The following CHCHD6 variants were observed in gnomAD, a reference collection of about 807,000 sequenced individuals.
CHCHD6 encodes coiled-coil-helix-coiled-coil-helix domain containing 6, also known as MICOS complex subunit MIC25.
CHCHD6 carries 28 observed loss-of-function variants against 32.3 expected under a neutral mutation model. That is an observed-to-expected ratio of 0.87 (90% CI 0.64 to 1.19). The LOEUF is 1.19. Among genes scored for constraint, CHCHD6 ranks in the 50% most tolerant of loss-of-function variants. The probability of loss-of-function intolerance (pLI) is 0.00; values close to 1 mark genes in which losing one functional copy is unlikely to be tolerated. For synonymous variants in CHCHD6, 122 were observed against 117.5 expected, an observed-to-expected ratio of 1.04 and a Z score of -0.25; for missense variants, 333 against 307.0, an observed-to-expected ratio of 1.08 and a Z score of -0.63.
chr3:126,719,326 G>A (rs557118365), intron 1 of CHCHD6, among the ~76,000 whole-genome samples: 1 of 152,336 alleles, frequency 6.6e-6, no homozygotes, highest in Non-Finnish European at 1.5e-5. Flanking sequence ...ATCGCTGGGC[G>A]GGCGTCTTAA....
At chr3:126,897,325 G>C (rs1228291990) in intron 5 of CHCHD6, among the ~76,000 whole-genome samples, 2 of 152,182 alleles carry the variant, frequency 1.3e-5, no homozygotes, top group Non-Finnish European at 1.5e-5. Context: ...GGTATCAATA[G>C]ATAACGACTC....
chr3:126,944,445 A>T (rs2078605724), intron 6 of CHCHD6, among the ~76,000 whole-genome samples: 1 of 152,240 alleles, frequency 6.6e-6, no homozygotes. Flanking sequence ...TGAGGACCTT[A>T]CAGCCGAGGT....
At chr3:126,936,117 G>A (rs2078477499) in intron 6 of CHCHD6, among the ~76,000 whole-genome samples, 1 of 152,228 alleles carries the variant, frequency 6.6e-6, no homozygotes, top group Non-Finnish European at 1.5e-5. Context: ...CTTGTGCTGT[G>A]AAATTCCCAC....
intron 5 of CHCHD6, among the ~76,000 whole-genome samples, chr3:126,898,626 C>A (rs1243084350): frequency 6.6e-6 from 1 of 152,166 alleles, no homozygotes; most frequent in Non-Finnish European, 1.5e-5. Context: ...GCAACCTCTG[C>A]CTCCCAGGTT....
At chr3:126,914,176 G>A (rs554904590) in intron 5 of CHCHD6, among the ~76,000 whole-genome samples, 4 of 152,328 alleles carry the variant, frequency 2.6e-5, no homozygotes, top group South Asian at 2.1e-4. Flanking sequence ...TGTGACTTTG[G>A]AGAAGTCATT....
chr3:126,820,533 C>G (rs950934320), intron 4 of CHCHD6, among the ~76,000 whole-genome samples: 3 of 152,144 alleles, frequency 2.0e-5, no homozygotes, highest in Admixed American at 6.5e-5. Context: ...TGAGGTTCAC[C>G]CATGTATTTA....
intron 4 of CHCHD6, among the ~76,000 whole-genome samples, chr3:126,831,635 T>C (rs777322863): frequency 8.0e-4 from 122 of 152,118 alleles, no homozygotes; most frequent in Non-Finnish European, 1.4e-3. Context: ...ATGTGCGTGT[T>C]TACGGTTGGA....
intron 6 of CHCHD6, among the ~76,000 whole-genome samples, chr3:126,932,787 G>A (rs1469875992): frequency 6.6e-6 from 1 of 152,262 alleles, no homozygotes; most frequent in African/African-American, 2.4e-5. Flanking sequence ...GGCACACTCA[G>A]TGCACGGGCG....
At chr3:126,759,716 C>T (rs369805124) in intron 4 of CHCHD6, among the ~76,000 whole-genome samples, 1 of 152,298 alleles carries the variant, frequency 6.6e-6, no homozygotes, top group East Asian at 1.9e-4. Flanking sequence ...ATGGCAGCTC[C>T]TGTCGCTCTT....
intron 4 of CHCHD6, among the ~76,000 whole-genome samples, chr3:126,756,039 C>T (rs1408441452): frequency 6.6e-6 from 1 of 152,074 alleles, no homozygotes; most frequent in Non-Finnish European, 1.5e-5. Flanking sequence ...TGGGTCTGTG[C>T]AGGGCTCGGA....
intron 1 of CHCHD6, among the ~76,000 whole-genome samples, chr3:126,708,655 A>G (rs954206323): frequency 5.3e-5 from 8 of 152,086 alleles, no homozygotes; most frequent in Middle Eastern, 3.4e-3. Flanking sequence ...CTCTTGAAAA[A>G]AAAAAAAAAA....
At chr3:126,736,506 T>C (rs1304745762) in intron 4 of CHCHD6, among the ~76,000 whole-genome samples, 4 of 152,272 alleles carry the variant, frequency 2.6e-5, no homozygotes, top group Non-Finnish European at 5.9e-5. Flanking sequence ...TCTTCCACCC[T>C]GTTCACTTGC....
intron 4 of CHCHD6, among the ~76,000 whole-genome samples, chr3:126,839,486 A>G (rs1286179005): frequency 6.6e-6 from 1 of 151,890 alleles, no homozygotes; most frequent in Non-Finnish European, 1.5e-5. Flanking sequence ...ACATACAAGT[A>G]TAAGGTGCAC....
chr3:126,708,734 G>T (rs1934620234), intron 1 of CHCHD6, among the ~76,000 whole-genome samples: 1 of 150,384 alleles, frequency 6.6e-6, no homozygotes, highest in Non-Finnish European at 1.5e-5. Context: ...TTAGTAAACT[G>T]TGGTGACAGA....
At chr3:126,856,138 A>G (rs1941660009) in intron 5 of CHCHD6, among the ~76,000 whole-genome samples, 1 of 152,118 alleles carries the variant, frequency 6.6e-6, no homozygotes, top group Non-Finnish European at 1.5e-5. Context: ...ACAAAAACAA[A>G]CAAACAAAAA....
At chr3:126,936,091 G>C (rs973283934) in intron 6 of CHCHD6, among the ~76,000 whole-genome samples, 9 of 152,208 alleles carry the variant, frequency 5.9e-5, no homozygotes, top group African/African-American at 2.2e-4. Flanking sequence ...ACAGGTGCCT[G>C]CATCTGGGAA....
chr3:126,881,034 A>C (rs923516256), intron 5 of CHCHD6, among the ~76,000 whole-genome samples: 1 of 152,244 alleles, frequency 6.6e-6, no homozygotes, highest in Admixed American at 6.5e-5. Context: ...TCAGATTCTA[A>C]ATGGGCAGAG....
chr3:126,714,632 A>T (rs987233586), intron 1 of CHCHD6, among the ~76,000 whole-genome samples: 1 of 152,268 alleles, frequency 6.6e-6, no homozygotes, highest in Non-Finnish European at 1.5e-5. Flanking sequence ...AACTGGCCAC[A>T]TCGGCACTGT....
chr3:126,871,445 G>A (rs2077468813), intron 5 of CHCHD6, among the ~76,000 whole-genome samples: 1 of 152,038 alleles, frequency 6.6e-6, no homozygotes, highest in South Asian at 2.1e-4. Context: ...GCCCCACTGA[G>A]GCCCTTAGGT....
Sources: allele counts gnomAD v4.1 joint callset (sites outside exome capture counted in the v4.1 genomes callset), GRCh38; gene constraint gnomAD v4.1.1; transcripts MANE v1.5; gene names NCBI Gene and HGNC (gene_info 2026-07-23, HGNC 2026-07-21).